Variants in WNT3 observed in about 807,000 individuals in gnomAD.
WNT3 encodes the protein Wnt family member 3.
A neutral mutation model predicts 34.2 loss-of-function variants in WNT3; 7 were observed. That is an observed-to-expected ratio of 0.20 (90% CI 0.12 to 0.38). The LOEUF (loss-of-function observed/expected upper bound fraction) is 0.38. Ranked by LOEUF, WNT3 falls within the 10% of genes least tolerant of loss-of-function variation. The probability of loss-of-function intolerance (pLI) is 1.00; values close to 1 mark genes in which losing one functional copy is unlikely to be tolerated. For synonymous variants in WNT3, 212 were observed against 211.5 expected (o/e 1.00, Z -0.02); for missense variants, 267 against 499.8 (o/e 0.53, Z 4.44).
At chr17:46,769,405 C>T (rs1326644666) in intron 3 of WNT3, among the ~76,000 whole-genome samples, 2 of 151,910 alleles carry the variant, frequency 1.3e-5, no homozygotes, top group Non-Finnish European at 2.9e-5. Context: ...GGGAACTTAA[C>T]GTGACTCACC....
chr17:46,804,625 G>A (rs1200565401), intron 1 of WNT3, among the ~76,000 whole-genome samples: 3 of 152,236 alleles, frequency 2.0e-5, no homozygotes, highest in Non-Finnish European at 4.4e-5. Flanking sequence ...AGAAGAGGAA[G>A]AACAAGTAGT....
intron 1 of WNT3, among the ~76,000 whole-genome samples, chr17:46,810,739 C>T (rs928573167): frequency 6.6e-6 from 1 of 151,972 alleles, no homozygotes; most frequent in Non-Finnish European, 1.5e-5. Flanking sequence ...GTGACCTGAA[C>T]GCGGAATACA....
At chr17:46,773,244 A>G (rs992786976) in intron 2 of WNT3, among the ~76,000 whole-genome samples, 2 of 152,120 alleles carry the variant, frequency 1.3e-5, no homozygotes, top group Non-Finnish European at 2.9e-5. Context: ...GGGCAACGCA[A>G]TGCTACCACA....
chr17:46,769,783 C>T lies in WNT3; in HGVS notation c.588G>A (p.Thr196=), dbSNP rs1319062395. ...MNKHNNEAGR[T]TILDHMHLKC... ...GTTTGGGGAGGGTAGCCGGGCTCAC[C>T]GTGCGGCCCGCCTCGTTGTTGTGCT... The change falls in exon 3 of 5, where the codon ACG becomes ACA. Residue 196 remains threonine (T), a splice_region_variant and synonymous_variant. Coordinates refer to ENST00000225512, the MANE Select transcript of WNT3 (RefSeq NM_030753.5). 2 of 1,610,608 alleles carry T rather than the reference C, an allele frequency of 1.2e-6. No homozygotes were observed. Among genetic ancestry groups the T allele is most frequent in the Non-Finnish European group, 1.7e-6 (2 of 1,179,856 alleles).
chr17:46,765,451 G>A (rs1019283702), intron 4 of WNT3, among the ~76,000 whole-genome samples: 17 of 152,234 alleles, frequency 1.1e-4, no homozygotes, highest in Admixed American at 1.0e-3. Flanking sequence ...CTACAGAAAA[G>A]GTGTTTTCCC....
rs2059338520 is a variant in WNT3, at chr17:46,768,979, C to T, written c.589-180G>A. Among the ~76,000 whole-genome samples, 1 of 152,212 alleles carries T rather than the reference C, an allele frequency of 6.6e-6. No homozygotes were observed. The highest frequency in any genetic ancestry group is 1.5e-5 in the Non-Finnish European group (1 of 68,042). On this transcript the variant is annotated intron_variant, in intron 3 of 4. Coordinates refer to ENST00000225512, the MANE Select transcript of WNT3 (RefSeq NM_030753.5). The surrounding 1 kb of genome is among the most constrained non-coding windows in gnomAD (Gnocchi z 5.0). ...AGAATAGTGACCATGTTTCCCTCCCCCTTCACACCCCAAGCATGGGTAGAC... is the reference window on the plus strand; with the variant it reads ...AGAATAGTGACCATGTTTCCCTCCCTCTTCACACCCCAAGCATGGGTAGAC...
At chr17:46,775,373 G>A (rs548895086) in intron 1 of WNT3, among the ~76,000 whole-genome samples, 1 of 152,272 alleles carries the variant, frequency 6.6e-6, no homozygotes, top group East Asian at 1.9e-4. Flanking sequence ...AATTCGTGGA[G>A]ACTCCAAGGC....
At chr17:46,818,161 A>G (rs1598805941) in intron 1 of WNT3, among the ~76,000 whole-genome samples, 2 of 152,206 alleles carry the variant, frequency 1.3e-5, no homozygotes, top group South Asian at 4.2e-4. Flanking sequence ...GCTGGGCCCC[A>G]GGGACAGTGC....
chr17:46,802,646 G>T (rs2084140926), intron 1 of WNT3, among the ~76,000 whole-genome samples: 1 of 152,114 alleles, frequency 6.6e-6, no homozygotes. Context: ...AGATTAAGTT[G>T]ATCACTAGTG....
intron 4 of WNT3, among the ~76,000 whole-genome samples, chr17:46,766,541 C>T (rs2059314942): frequency 6.6e-6 from 1 of 152,178 alleles, no homozygotes; most frequent in Non-Finnish European, 1.5e-5. Flanking sequence ...TCCCACTCCC[C>T]ACACTGCTTT....
chr17:46,784,579 C>T lies in WNT3; in HGVS notation c.81-10670G>A, dbSNP rs146984097. On this transcript the variant is annotated intron_variant, in intron 1 of 4. Transcript: ENST00000225512. ...AGCCAGCCCAGCTTCAGGGCCTGAACCTCACACTAGGAGGCTGGAAAGGTG... is the reference window on the plus strand; with the variant it reads ...AGCCAGCCCAGCTTCAGGGCCTGAATCTCACACTAGGAGGCTGGAAAGGTG... Among the ~76,000 whole-genome samples, 248 of 152,204 alleles carry T rather than the reference C, an allele frequency of 1.6e-3. 2 individuals are homozygous for T. The highest frequency in any genetic ancestry group is 2.9e-3 in the South Asian group (14 of 4,816).
chr17:46,785,481 C>T (rs1055376804), intron 1 of WNT3, among the ~76,000 whole-genome samples: 8 of 152,234 alleles, frequency 5.3e-5, no homozygotes, highest in African/African-American at 1.9e-4. Context: ...CCTTCCCCTC[C>T]GACAGGAGCC....
intron 1 of WNT3, among the ~76,000 whole-genome samples, chr17:46,779,429 C>T (rs574644280): frequency 1.8e-4 from 28 of 152,236 alleles, no homozygotes; most frequent in African/African-American, 5.1e-4. Flanking sequence ...GCTCCTGGCC[C>T]GGCCCTTCCC....
intron 1 of WNT3, among the ~76,000 whole-genome samples, chr17:46,806,940 C>G (rs2084205444): frequency 6.6e-6 from 1 of 152,156 alleles, no homozygotes; most frequent in African/African-American, 2.4e-5. Flanking sequence ...CCTGGGCACT[C>G]CGTCACCTGT....
At chr17:46,806,122 G>GC (rs763811238) in intron 1 of WNT3, among the ~76,000 whole-genome samples, 1 of 151,830 alleles carries the variant, frequency 6.6e-6, no homozygotes, top group Admixed American at 6.6e-5. Flanking sequence ...CACTGGAGCC[G>GC]CCCACTTGCT....
At chr17:46,787,551 G>T (rs1220576672) in intron 1 of WNT3, among the ~76,000 whole-genome samples, 1 of 152,202 alleles carries the variant, frequency 6.6e-6, no homozygotes, top group Non-Finnish European at 1.5e-5. Flanking sequence ...CTCCCAGCCA[G>T]AGCTTGTCTC....
rs1354092921 is a variant in WNT3, at chr17:46,768,966, A to G, written c.589-167T>C. Among the ~76,000 whole-genome samples, 1 of 152,192 alleles carries G rather than the reference A, an allele frequency of 6.6e-6. No homozygotes were observed. The highest frequency in any genetic ancestry group is 6.5e-5 in the Admixed American group (1 of 15,284). ...AGGCAAGACCTAAAGAATAGTGACC[A>G]TGTTTCCCTCCCCCTTCACACCCCA... On this transcript the variant is annotated intron_variant, in intron 3 of 4. Transcript: ENST00000225512. The surrounding 1 kb of genome is among the most constrained non-coding windows in gnomAD (Gnocchi z 5.0).
At chr17:46,788,755 G>GAGGACCTCCCTGCA (rs912578189) in intron 1 of WNT3, among the ~76,000 whole-genome samples, 2 of 150,190 alleles carry the variant, frequency 1.3e-5, no homozygotes, top group Admixed American at 6.6e-5. Flanking sequence ...ACCTCCCTGC[G>GAGGACCTCCCTGCA]AGGACCTCCC....
intron 1 of WNT3, among the ~76,000 whole-genome samples, chr17:46,805,200 C>T (rs2146450930): frequency 6.6e-6 from 1 of 152,078 alleles, no homozygotes; most frequent in East Asian, 1.9e-4. Context: ...AATCCCAGCA[C>T]TTTGAGAGGC....
Sources: gnomAD v4.1 joint callset for allele counts (sites outside exome capture counted in the v4.1 genomes callset) on GRCh38, gnomAD v4.1.1 for gene constraint, Gnocchi (gnomAD v3.1) non-coding constraint, MANE v1.5 for transcripts, NCBI Gene and HGNC (gene_info 2026-07-23, HGNC 2026-07-21) for gene names.